HAUS6: variants seen among roughly 807,000 people sequenced by gnomAD.
HAUS6 encodes the protein HAUS augmin like complex subunit 6, also known as HAUS augmin-like complex subunit 6.
In HAUS6, 80 loss-of-function variants were observed where a neutral mutation model predicts 106.8. The observed-to-expected ratio is 0.75, with a 90% confidence interval of 0.63 to 0.90. The LOEUF (loss-of-function observed/expected upper bound fraction) is 0.90. Among genes scored for constraint, HAUS6 ranks in the 40% least tolerant of loss-of-function variants. The pLI is 0.00. For synonymous variants in HAUS6, 356 were observed against 379.1 expected (o/e 0.94, Z 0.71); for missense variants, 1,155 against 1,118.1 (o/e 1.03, Z -0.47).
At position 19,055,417 on chromosome 9, in the gene HAUS6, C is replaced by G. The variant is rs1836448166; in HGVS notation, c.*926G>C. ...GTGACAAGTTATTTAACCCCAAGTT[C>G]AGTTTTCTCAAGTTACTGTGAGGCT... is the stretch of plus-strand genomic sequence containing the variant. On this transcript the variant is annotated 3_prime_UTR_variant, in exon 17 of 17. Transcript: ENST00000380502. The G allele has an allele frequency of 6.6e-6, 1 of 152,206 alleles. No homozygotes were observed. The highest frequency in any genetic ancestry group is 2.4e-5 in the African/African-American group (1 of 41,452). The allele number at this position is 152,206 out of a possible 1,614,324, so 9.4% of individuals were successfully genotyped here.
rs146901356 is a variant in HAUS6, at chr9:19,082,990, C to A, written c.753G>T (p.Glu251Asp). Residue 251 changes from glutamate to aspartate, a missense_variant, in exon 8 of 17, where the codon GAG becomes GAT. By Grantham distance (45) the Glu-to-Asp change is conservative. This residue lies in a region of HAUS6 where 761 missense variants were observed against 690.0 expected (regional missense o/e 1.10). Transcript: ENST00000380502. The stretch of plus-strand genomic sequence containing the variant: ...TAAGGACCGAACTAACAACTTCTCT[C>A]TCTTTTTCCAAAAACATGAGCGTTT... ...VNETLMFLEK[E>D]REVVSSVLSL... The A allele has an allele frequency of 1.6e-4, 257 of 1,589,956 alleles. 1 individual carries two copies. The highest frequency in any genetic ancestry group is 2.1e-4 in the Non-Finnish European group (244 of 1,168,034).
chr9:19,092,599 GA>G (rs1817775904), intron 4 of HAUS6, among the ~76,000 whole-genome samples: 1 of 30,980 alleles, frequency 3.2e-5, no homozygotes. Context: ...TGGGCAACAA[GA>G]AAAAAAACTC....
intron 15 of HAUS6, 113 bp downstream of exon 15, chr9:19,059,975 C>T: frequency 2.7e-6 from 2 of 751,920 alleles, no homozygotes; most frequent in Non-Finnish European, 4.4e-6. Context: ...TCGATTACAA[C>T]AGCATAAATA....
Position 19,086,787 on chromosome 9 carries a change from T to A in HAUS6, c.651-5A>T, listed in dbSNP as rs192004602. 2.7e-6 allele frequency: 3 copies of A among 1,092,316 alleles called. No homozygotes were observed. Among genetic ancestry groups the A allele is most frequent in the African/African-American group, 1.6e-5 (1 of 63,114 alleles). 67.7% of individuals were successfully genotyped at this position (1,092,316 alleles called of 1,614,324 possible). A position where few individuals can be genotyped will look rare whatever the true frequency, so the allele number is the denominator to read the frequency against. On this transcript the variant is annotated splice_polypyrimidine_tract_variant and splice_region_variant and intron_variant, in intron 6 of 16. Transcript: ENST00000380502. The stretch of plus-strand genomic sequence containing the variant: ...TGGTCATCATAGGGTTCCATTCTAA[T>A]AAAAATTAAATAATCTAATTAGTCA...
intron 7 of HAUS6, among the ~76,000 whole-genome samples, chr9:19,085,690 T>C (rs1207720528): frequency 2.0e-5 from 3 of 152,044 alleles, no homozygotes; most frequent in Non-Finnish European, 2.9e-5. Context: ...CTCAGATCAT[T>C]TTCATTTGTC....
At position 19,058,410 on chromosome 9, in the gene HAUS6, T is replaced by A; in HGVS notation, c.2357A>T (p.His786Leu). ...ACTACTGGAACTATTAAAACTTAGA[T>A]GACCAACTTCTTCCGGGAGAGTTTC... ...LHETLPEEVGHLSFNSSSSSE... is the reference protein window; with the variant it reads ...LHETLPEEVGLLSFNSSSSSE... The change falls in exon 16 of 17, where the codon CAT becomes CTT. Residue 786 changes from histidine (H) to leucine (L), a missense_variant. By Grantham distance (99) the His-to-Leu change is moderately conservative. Around this residue, in one of 3 missense-constraint regions of HAUS6, gnomAD observed 380 missense variants for 394.8 expected, o/e 0.96. Coordinates refer to ENST00000380502, the MANE Select transcript of HAUS6 (RefSeq NM_017645.5). The A allele has an allele frequency of 1.2e-6, 2 of 1,613,592 alleles. No individual in the cohort carries two copies. The highest frequency in any genetic ancestry group is 2.2e-5 in the South Asian group (2 of 91,068).
chr9:19,076,664 T>C lies in HAUS6; in HGVS notation c.1232A>G (p.Asp411Gly), dbSNP rs1837013005. ...TGCATACACTTCTTCTGAGGCAGGA[T>C]CAAACGAAAGGGGAGACATTGGTGG... ...LLPPMSPLSF[D>G]PASEEVYAKS... The change falls in exon 11 of 17, where the codon GAT (aspartate) becomes GGT (glycine). Residue 411 changes from aspartate (D) to glycine (G), a missense_variant. Coordinates refer to ENST00000380502, the MANE Select transcript of HAUS6 (RefSeq NM_017645.5). 6 of 1,593,506 alleles carry C rather than the reference T, an allele frequency of 3.8e-6. No homozygotes were observed. The East Asian group carries it at 1.3e-4, about 36-fold the overall frequency.
chr9:19,081,899 TACTAA>T (rs144775259), intron 8 of HAUS6, among the ~76,000 whole-genome samples: 5,286 of 152,214 alleles, frequency 0.035, 113 homozygotes, highest in Non-Finnish European at 0.051. Context: ...ACCCCGTCTC[TACTAA>T]AGAAGTGTCT....
intron 12 of HAUS6, among the ~76,000 whole-genome samples, chr9:19,068,692 C>A (rs1455823555): frequency 4.0e-5 from 6 of 148,848 alleles, no homozygotes; most frequent in African/African-American, 1.5e-4. Flanking sequence ...ATGAAAGACA[C>A]CTATTTAGGT....
rs140508604 is a variant in HAUS6 at position 19,058,389 on chromosome 9, C to G, written c.2378G>C (p.Ser793Thr). 7 of 1,613,898 alleles carry G rather than the reference C, an allele frequency of 4.3e-6. No homozygotes were observed. Among genetic ancestry groups the G allele is most frequent in the Non-Finnish European group, 5.9e-6 (7 of 1,179,846 alleles). The change falls in exon 16 of 17, where the codon AGT (serine) becomes ACT (threonine). Residue 793 changes from serine (S) to threonine (T), a missense_variant. Transcript: ENST00000380502. Reference sequence around the variant, plus strand: ...CAGTTTAAAATTGGCCTCTGAACTACTGGAACTATTAAAACTTAGATGACC... The same window carrying G: ...CAGTTTAAAATTGGCCTCTGAACTAGTGGAACTATTAAAACTTAGATGACC... ...EVGHLSFNSS[S>T]SSEANFKLEP...
Position 19,080,626 on chromosome 9 carries a change from G to A in HAUS6, c.917C>T (p.Thr306Ile), listed in dbSNP as rs559105294. 59 of 1,606,692 alleles carry A rather than the reference G, an allele frequency of 3.7e-5. No homozygotes were observed. In the South Asian group the frequency reaches 5.2e-4, roughly 14 times the overall value. The change falls in exon 9 of 17, where the codon ACA becomes ATA. Residue 306 changes from threonine (T) to isoleucine (I), a missense_variant. Coordinates refer to ENST00000380502, the MANE Select transcript of HAUS6 (RefSeq NM_017645.5). ...GACTTCATTTAATAACTGAATAACTGTTAAGAGGTTCAGTTTTCCAGCCTC... is the reference window on the plus strand; with the variant it reads ...GACTTCATTTAATAACTGAATAACTATTAAGAGGTTCAGTTTTCCAGCCTC... ...VYEAGKLNLL[T>I]VIQLLNEVLK...
intron 15 of HAUS6, 75 bp downstream of exon 15, chr9:19,060,013 G>T: frequency 8.4e-7 from 1 of 1,186,382 alleles, no homozygotes; most frequent in Non-Finnish European, 1.2e-6. Context: ...CAGCTAAAAA[G>T]ATCTGTCAGG....
intron 12 of HAUS6, among the ~76,000 whole-genome samples, chr9:19,064,848 A>C (rs1003492989): frequency 6.6e-6 from 1 of 152,240 alleles, no homozygotes. Context: ...AGAATTGATC[A>C]TCTACTAGAT....
chr9:19,066,144 C>A (rs1212164650), intron 12 of HAUS6, among the ~76,000 whole-genome samples: 2 of 151,924 alleles, frequency 1.3e-5, no homozygotes, highest in East Asian at 3.9e-4. Context: ...CCATGTTGGC[C>A]AGGCTGTTCT....
At position 19,086,715 on chromosome 9, in the gene HAUS6, CT is replaced by C; in HGVS notation, c.699+18del. 1.8e-6 allele frequency: 2 copies of C among 1,094,254 alleles called. No homozygotes were observed. Among genetic ancestry groups the C allele is most frequent in the Non-Finnish European group, 1.4e-6 (1 of 720,074 alleles). The allele number at this position is 1,094,254 out of a possible 1,614,324, so 67.8% of individuals were successfully genotyped here. ...AGAATTTTAAAAGATTAAATTTCTC[CT>C]TTTATAAGTTGTCTCACCTTTTGAA... On this transcript the variant is annotated intron_variant, in intron 7 of 16. Coordinates refer to ENST00000380502, the MANE Select transcript of HAUS6 (RefSeq NM_017645.5).
In HAUS6 at chr9:19,086,753, A is replaced by AT. The variant is rs1436218082; in HGVS notation, c.679dup (p.Met227AsnfsTer17). 8.0e-7 allele frequency: 1 copy of AT among 1,249,346 alleles called. No individual in the cohort carries two copies. The highest frequency in any genetic ancestry group is 1.5e-5 in the African/African-American group (1 of 66,834). 77.4% of individuals were successfully genotyped at this position (1,249,346 alleles called of 1,614,324 possible). A position where few individuals can be genotyped will look rare whatever the true frequency, so the allele number is the denominator to read the frequency against. On this transcript the variant is annotated frameshift_variant, in exon 7 of 17. Coordinates refer to ENST00000380502, the MANE Select transcript of HAUS6 (RefSeq NM_017645.5). LOFTEE classifies it high-confidence loss of function. ...TCTCACCTTTTGAATTTTTTCTTCC[A>AT]TATTACTGTGGTCATCATAGGGTTC...
At chr9:19,070,844 G>A (rs1037327889) in intron 11 of HAUS6, among the ~76,000 whole-genome samples, 5 of 152,218 alleles carry the variant, frequency 3.3e-5, no homozygotes, top group Non-Finnish European at 5.9e-5. Flanking sequence ...TATGACAGAA[G>A]TATATACAGA....
intron 11 of HAUS6, among the ~76,000 whole-genome samples, chr9:19,072,918 G>C (rs1436331175): frequency 6.6e-6 from 1 of 151,728 alleles, no homozygotes; most frequent in Non-Finnish European, 1.5e-5. Context: ...CACATGTAAT[G>C]AACTAACCCT....
chr9:19,102,342 T>C (rs933291592), intron 1 of HAUS6, among the ~76,000 whole-genome samples, 182 bp downstream of exon 1: 1 of 152,236 alleles, frequency 6.6e-6, no homozygotes, highest in South Asian at 2.1e-4. Context: ...TTGCATTATT[T>C]ACTGTCTGTC....
Sources: allele counts gnomAD v4.1 joint callset (sites outside exome capture counted in the v4.1 genomes callset), GRCh38; gene constraint gnomAD v4.1.1; regional missense constraint gnomAD v4.1.1; transcripts MANE v1.5; gene names NCBI Gene and HGNC (gene_info 2026-07-23, HGNC 2026-07-21).